The following PRPSAP2 variants were observed in gnomAD, a reference collection of about 807,000 sequenced individuals.
PRPSAP2 encodes the protein phosphoribosyl pyrophosphate synthase-associated protein 2.
PRPSAP2 carries 24 observed loss-of-function variants against 40.6 expected under a neutral mutation model. The observed-to-expected ratio is 0.59, with a 90% CI of 0.43 to 0.83. The LOEUF is 0.83. Ranked by LOEUF, PRPSAP2 falls within the 40% of genes least tolerant of loss-of-function variation. The pLI is 0.00. For synonymous variants in PRPSAP2, 149 were observed against 164.7 expected (o/e 0.90, Z 0.73); for missense variants, 292 against 465.6 (o/e 0.63, Z 3.43).
At chr17:18,912,415 G>A (rs988893511) in intron 9 of PRPSAP2, among the ~76,000 whole-genome samples, 14 of 152,112 alleles carry the variant, frequency 9.2e-5, no homozygotes, top group Non-Finnish European at 1.5e-5. Context: ...GAATTTGGAA[G>A]GACACAAAAA....
At chr17:18,862,095 C>T (rs2037065075) in intron 1 of PRPSAP2, among the ~76,000 whole-genome samples, 1 of 152,142 alleles carries the variant, frequency 6.6e-6, no homozygotes, top group Non-Finnish European at 1.5e-5. Context: ...ACCATGTTGG[C>T]CAGACTGGTC....
At position 18,928,795 on chromosome 17, in the gene PRPSAP2, A is replaced by G; in HGVS notation, c.805-16A>G. ...GAAGTGCTCATATACATTCTTTTCC[A>G]TCTGTGCTTTGGCAGGATGACATCA... On this transcript the variant is annotated splice_polypyrimidine_tract_variant and intron_variant, in intron 10 of 11. Transcript: ENST00000268835. The G allele has an allele frequency of 6.2e-7, 1 of 1,613,116 alleles. No homozygotes were observed. Among genetic ancestry groups the G allele is most frequent in the South Asian group, 1.1e-5 (1 of 91,040 alleles).
At chr17:18,872,272 C>CAA (rs368082910) in intron 4 of PRPSAP2, among the ~76,000 whole-genome samples, 204 of 77,398 alleles carry the variant, frequency 2.6e-3, no homozygotes, top group African/African-American at 9.8e-3. Flanking sequence ...GACTCCGTCT[C>CAA]AAAAAAAAAA....
chr17:18,887,371 T>TTACA (rs2039242175), intron 7 of PRPSAP2, among the ~76,000 whole-genome samples: 1 of 152,084 alleles, frequency 6.6e-6, no homozygotes, highest in East Asian at 1.9e-4. Context: ...AGTAACTGGA[T>TTACA]TACAGGTGTG....
At chr17:18,886,559 CG>C (rs1394298217) in intron 7 of PRPSAP2, among the ~76,000 whole-genome samples, 4 of 151,932 alleles carry the variant, frequency 2.6e-5, no homozygotes, top group African/African-American at 9.7e-5. Flanking sequence ...GGGGTTTCAC[CG>C]TGTTAACCAG....
At chr17:18,901,260 TTC>T (rs1265637657) in intron 8 of PRPSAP2, among the ~76,000 whole-genome samples, 2 of 152,194 alleles carry the variant, frequency 1.3e-5, no homozygotes, top group African/African-American at 2.4e-5. Context: ...TTTGGGTCGC[TTC>T]TTCTCCAGCT....
chr17:18,913,279 A>G (rs1473372673), intron 9 of PRPSAP2, among the ~76,000 whole-genome samples: 2 of 152,114 alleles, frequency 1.3e-5, no homozygotes, highest in Admixed American at 6.6e-5. Context: ...CACTCTGTGC[A>G]CTGTGGAGAT....
chr17:18,918,074 GA>G (rs566887888), intron 9 of PRPSAP2, among the ~76,000 whole-genome samples: 11 of 150,816 alleles, frequency 7.3e-5, no homozygotes, highest in Admixed American at 4.6e-4. Flanking sequence ...TAAATAGAGG[GA>G]AAAAAAAACC....
At chr17:18,891,262 T>C (rs1567707068) in intron 8 of PRPSAP2, among the ~76,000 whole-genome samples, 1 of 152,200 alleles carries the variant, frequency 6.6e-6, no homozygotes, top group Non-Finnish European at 1.5e-5. Context: ...ACATAAGTCA[T>C]TGACGTTATG....
Position 18,911,311 on chromosome 17 carries a change from G to A in PRPSAP2, c.733+60G>A. 2 of 1,431,466 alleles carry A rather than the reference G, an allele frequency of 1.4e-6. No homozygotes were observed. Among genetic ancestry groups the A allele is most frequent in the Non-Finnish European group, 9.2e-7 (1 of 1,082,762 alleles). 88.7% of individuals were successfully genotyped at this position (1,431,466 alleles called of 1,614,324 possible). A position where few individuals can be genotyped will look rare whatever the true frequency, so the allele number is the denominator to read the frequency against. ...TGATTTTAAGGCTGACTACACTGTT[G>A]TCTGTGTGGTTTTTTTCCTCATTCT... On this transcript the variant is annotated intron_variant, in intron 9 of 11. Coordinates refer to ENST00000268835, the MANE Select transcript of PRPSAP2 (RefSeq NM_002767.4). The surrounding 1 kb of genome is among the most constrained non-coding windows in gnomAD (Gnocchi z 4.5).
At chr17:18,915,704 A>G (rs1408223363) in intron 9 of PRPSAP2, among the ~76,000 whole-genome samples, 1 of 152,180 alleles carries the variant, frequency 6.6e-6, no homozygotes, top group Non-Finnish European at 1.5e-5. Flanking sequence ...AAGTGCCCTG[A>G]GAGCAAGAAC....
intron 8 of PRPSAP2, among the ~76,000 whole-genome samples, chr17:18,894,105 T>C (rs2039759371): frequency 6.6e-6 from 1 of 151,588 alleles, no homozygotes; most frequent in Non-Finnish European, 1.5e-5. Flanking sequence ...CACCCACCTC[T>C]GACTCCCAAA....
At chr17:18,886,304 G>C (rs1239238813) in intron 7 of PRPSAP2, among the ~76,000 whole-genome samples, 1 of 152,044 alleles carries the variant, frequency 6.6e-6, no homozygotes, top group Non-Finnish European at 1.5e-5. Flanking sequence ...GCCAGAGTCA[G>C]AAGGAACATT....
At chr17:18,900,668 C>T (rs9902016) in intron 8 of PRPSAP2, among the ~76,000 whole-genome samples, 13,287 of 151,992 alleles carry the variant, frequency 0.087, 651 homozygotes, top group Middle Eastern at 0.13. Context: ...TGTTGGGGCT[C>T]GTTTCTGCTA....
chr17:18,877,233 G>A (rs1381286314), intron 5 of PRPSAP2, among the ~76,000 whole-genome samples: 1 of 152,174 alleles, frequency 6.6e-6, no homozygotes, highest in Non-Finnish European at 1.5e-5. Flanking sequence ...ATTGGAGATA[G>A]TGTAAGATGT....
In PRPSAP2 at chr17:18,914,370, A is replaced by G. The variant is rs552380593; in HGVS notation, c.733+3119A>G. Among the ~76,000 whole-genome samples the G allele has an allele frequency of 2.1e-3, 286 of 138,016 alleles. 2 individuals are homozygous for G. Among genetic ancestry groups the G allele is most frequent in the African/African-American group, 7.3e-3 (267 of 36,568 alleles). 90.5% of individuals were successfully genotyped at this position (138,016 alleles called of 152,430 possible). A position where few individuals can be genotyped will look rare whatever the true frequency, so the allele number is the denominator to read the frequency against. On this transcript the variant is annotated intron_variant, in intron 9 of 11. Transcript: ENST00000268835. ...CCTCCCGGGCCCAAGCCATTCTCCTACCTCAGCCTCCCAAGTAGCTGGGAC... is the reference window on the plus strand; with the variant it reads ...CCTCCCGGGCCCAAGCCATTCTCCTGCCTCAGCCTCCCAAGTAGCTGGGAC...
intron 8 of PRPSAP2, among the ~76,000 whole-genome samples, chr17:18,909,620 G>A (rs1263552585): frequency 1.3e-5 from 2 of 151,870 alleles, no homozygotes; most frequent in Non-Finnish European, 2.9e-5. Flanking sequence ...AATTTATCAG[G>A]AGATAAGAAA....
intron 10 of PRPSAP2, among the ~76,000 whole-genome samples, chr17:18,928,011 T>C (rs946096378): frequency 6.6e-6 from 1 of 152,094 alleles, no homozygotes; most frequent in South Asian, 2.1e-4. Flanking sequence ...CTTGAACCCC[T>C]GAGCTCAAGC....
intron 8 of PRPSAP2, among the ~76,000 whole-genome samples, chr17:18,897,991 CTTTTTTTTT>C (rs71155370): frequency 1.7e-5 from 2 of 116,332 alleles, no homozygotes; most frequent in East Asian, 3.0e-4. Flanking sequence ...AGAATTTTTG[CTTTTTTTTT>C]TTTTTTTTTT....
Sources: gnomAD v4.1 joint callset for allele counts (sites outside exome capture counted in the v4.1 genomes callset) on GRCh38, gnomAD v4.1.1 for gene constraint, Gnocchi (gnomAD v3.1) non-coding constraint, MANE v1.5 for transcripts, NCBI Gene and HGNC (gene_info 2026-07-23, HGNC 2026-07-21) for gene names.